Variants in PLEKHA2 observed in about 807,000 individuals in gnomAD.
PLEKHA2 encodes the protein pleckstrin homology domain containing A2, also known as pleckstrin homology domain-containing family A member 2.
Under a neutral mutation model 53.2 loss-of-function variants are expected in PLEKHA2, and 28 were observed. That is an observed-to-expected ratio of 0.53 (90% confidence interval 0.39 to 0.72). The LOEUF (loss-of-function observed/expected upper bound fraction) is 0.72. Ranked by LOEUF, PLEKHA2 falls within the 30% of genes least tolerant of loss-of-function variation. PLEKHA2 has a pLI of 0.00. For missense variants in PLEKHA2, 426 were observed against 537.9 expected (o/e 0.79, Z 2.06); for synonymous variants, 193 against 196.4 (o/e 0.98, Z 0.14).
Position 38,970,045 on chromosome 8 carries a change from G to C in PLEKHA2, c.*262G>C. 1.8e-6 allele frequency: 1 copy of C among 562,892 alleles called. No homozygotes were observed. 34.9% of individuals were successfully genotyped at this position (562,892 alleles called of 1,614,324 possible). On this transcript the variant is annotated 3_prime_UTR_variant, in exon 12 of 12. Transcript: ENST00000617275. ...TAGAACTGTAGGCATACTCAGTGGA[G>C]AGGAAGCTACCTATTCTATTCTAAC... is the stretch of plus-strand genomic sequence containing the variant.
intron 4 of PLEKHA2, among the ~76,000 whole-genome samples, chr8:38,944,999 CAAAG>C (rs1834683501): frequency 6.6e-6 from 1 of 152,056 alleles, no homozygotes; most frequent in African/African-American, 2.4e-5. Flanking sequence ...GGGGATAAGA[CAAAG>C]GAAGGAGAAT....
At position 38,936,021 on chromosome 8, in the gene PLEKHA2, G is replaced by A. The variant is rs1834488375; in HGVS notation, c.169G>A (p.Gly57Arg). 6.2e-7 allele frequency: 1 copy of A among 1,613,644 alleles called. No homozygotes were observed. The highest frequency in any genetic ancestry group is 8.5e-7 in the Non-Finnish European group (1 of 1,179,606). ...TCTGGCAATGGGGGCAGGAGCTGTT[G>A]GAGCTTTGCAGCTGACCTACATCTC... ...QNLAMGAGAV[G>R]ALQLTYISKV... The change falls in exon 3 of 12, where the codon GGA (glycine) becomes AGA (arginine). Residue 57 changes from glycine (G) to arginine (R), a missense_variant. Coordinates refer to ENST00000617275, the MANE Select transcript of PLEKHA2 (RefSeq NM_021623.2).
intron 9 of PLEKHA2, among the ~76,000 whole-genome samples, chr8:38,956,368 T>C (rs545592114): frequency 6.6e-6 from 1 of 152,312 alleles, no homozygotes; most frequent in South Asian, 2.1e-4. Flanking sequence ...TTTAGCTCTT[T>C]GTCTCCTGGG....
chr8:38,904,758 C>T (rs1284584007), intron 1 of PLEKHA2, among the ~76,000 whole-genome samples: 2 of 152,194 alleles, frequency 1.3e-5, no homozygotes, highest in Non-Finnish European at 2.9e-5. Flanking sequence ...TTTTCATTGA[C>T]ATTTGCTCAC....
At chr8:38,933,265 G>A (rs1260978324) in intron 2 of PLEKHA2, among the ~76,000 whole-genome samples, 1 of 152,102 alleles carries the variant, frequency 6.6e-6, no homozygotes, top group African/African-American at 2.4e-5. Flanking sequence ...CCAATAGGAG[G>A]GGTTGGGCCC....
At chr8:38,945,038 A>G (rs905694320) in intron 4 of PLEKHA2, among the ~76,000 whole-genome samples, 3 of 152,132 alleles carry the variant, frequency 2.0e-5, no homozygotes, top group South Asian at 2.1e-4. Context: ...CAGTTGCCCA[A>G]TAGTGACATG....
intron 1 of PLEKHA2, among the ~76,000 whole-genome samples, chr8:38,903,076 A>C (rs62503459): frequency 6.6e-6 from 1 of 152,196 alleles, no homozygotes; most frequent in Non-Finnish European, 1.5e-5. Flanking sequence ...GAATGCAAAC[A>C]CATGAATTGT....
At chr8:38,943,529 T>A (rs190157833) in intron 3 of PLEKHA2, among the ~76,000 whole-genome samples, 1 of 152,194 alleles carries the variant, frequency 6.6e-6, no homozygotes, top group East Asian at 1.9e-4. Context: ...TTTGTAAAGA[T>A]GAACAGACCT....
At chr8:38,921,672 T>A (rs1460712956) in intron 2 of PLEKHA2, among the ~76,000 whole-genome samples, 1 of 152,248 alleles carries the variant, frequency 6.6e-6, no homozygotes, top group Non-Finnish European at 1.5e-5. Flanking sequence ...AGCTGAGCTC[T>A]CAGGGTGTTT....
chr8:38,933,939 G>A (rs188090948), intron 2 of PLEKHA2, among the ~76,000 whole-genome samples: 3 of 152,068 alleles, frequency 2.0e-5, no homozygotes, highest in African/African-American at 4.8e-5. Context: ...GGAAGAACGT[G>A]AGTGCAGAGT....
At chr8:38,952,467 G>A (rs577287566) in intron 7 of PLEKHA2, among the ~76,000 whole-genome samples, 155 bp downstream of exon 7, 2 of 152,156 alleles carry the variant, frequency 1.3e-5, no homozygotes, top group African/African-American at 2.4e-5. Flanking sequence ...CTGACCTTTG[G>A]CTCCCACCTG....
At chr8:38,948,766 G>A (rs762757530) in intron 5 of PLEKHA2, among the ~76,000 whole-genome samples, 1 of 152,170 alleles carries the variant, frequency 6.6e-6, no homozygotes, top group Non-Finnish European at 1.5e-5. Flanking sequence ...TCCCGGTGAC[G>A]TCCCGGCAGA....
In PLEKHA2 at chr8:38,928,236, CTTTTTTTTTT is replaced by C. The variant is rs11414317; in HGVS notation, c.142-7747_142-7738del. On this transcript the variant is annotated intron_variant, in intron 2 of 11. Transcript: ENST00000617275. ...CTGAAGCCCAGGCCTCTGACCTGGT[CTTTTTTTTTT>C]TTTTTTTTTTCTTTTTGAGATGGAG... 5.7e-4 allele frequency among the ~76,000 whole-genome samples: 63 copies of C among 110,146 alleles called. 1 individual carries two copies. In the East Asian group the frequency reaches 8.3e-3, roughly 15 times the overall value. The allele number at this position is 110,146 out of a possible 152,430, so 72.3% of individuals were successfully genotyped here. A position where few individuals can be genotyped will look rare whatever the true frequency, so the allele number is the denominator to read the frequency against.
At chr8:38,965,795 A>G (rs1012606295) in intron 10 of PLEKHA2, among the ~76,000 whole-genome samples, 2 of 152,204 alleles carry the variant, frequency 1.3e-5, no homozygotes, top group African/African-American at 4.8e-5. Context: ...CGCATATCAT[A>G]TAATACCAGT....
intron 2 of PLEKHA2, among the ~76,000 whole-genome samples, chr8:38,924,546 A>C (rs1834249723): frequency 1.3e-5 from 2 of 152,178 alleles, no homozygotes; most frequent in Non-Finnish European, 2.9e-5. Flanking sequence ...GTCATGCCTC[A>C]GCCTTGTCTC....
At position 38,943,770 on chromosome 8, in the gene PLEKHA2, T is replaced by C; in HGVS notation, c.199-19T>C. 6.5e-7 allele frequency: 1 copy of C among 1,536,158 alleles called. No homozygotes were observed. Among genetic ancestry groups the C allele is most frequent in the Non-Finnish European group, 8.8e-7 (1 of 1,140,464 alleles). On this transcript the variant is annotated intron_variant, in intron 3 of 11. Coordinates refer to ENST00000617275, the MANE Select transcript of PLEKHA2 (RefSeq NM_021623.2). ...GTAAGACACATATTCATGTTTCTTT[T>C]ATTTCTTATTTGATTTAGGTGAGCA... is the stretch of plus-strand genomic sequence containing the variant.
intron 11 of PLEKHA2, 70 bp from the exon 12 acceptor site, chr8:38,969,351 G>T (rs1835198993): frequency 2.6e-6 from 4 of 1,535,860 alleles, no homozygotes; most frequent in Non-Finnish European, 3.5e-6. Flanking sequence ...CTCTTTCTGG[G>T]ACTCTGTGAT....
In PLEKHA2 at chr8:38,950,865, G is replaced by A; in HGVS notation, c.361G>A (p.Gly121Ser). 1.2e-6 allele frequency: 2 copies of A among 1,613,770 alleles called. No homozygotes were observed. The highest frequency in any genetic ancestry group is 2.2e-5 in the South Asian group (2 of 91,052). The part of the protein sequence containing the change: ...ASKITVPKGG[G>S]LPMTTEVLKS... ...CTCACCCCAGGTTCCCAAAGGTGGG[G>A]GCCTACCCATGACCACTGAAGTTCT... The change falls in exon 6 of 12, where the codon GGC (glycine) becomes AGC (serine). Residue 121 changes from glycine to serine, a missense_variant. Coordinates refer to ENST00000617275, the MANE Select transcript of PLEKHA2 (RefSeq NM_021623.2).
intron 1 of PLEKHA2, among the ~76,000 whole-genome samples, chr8:38,913,856 A>G (rs1034686862): frequency 6.6e-6 from 1 of 152,016 alleles, no homozygotes; most frequent in African/African-American, 2.4e-5. Flanking sequence ...GCTTGTGCCC[A>G]TCTCTCTCCT....
Sources: allele counts gnomAD v4.1 joint callset (sites outside exome capture counted in the v4.1 genomes callset), GRCh38; gene constraint gnomAD v4.1.1; transcripts MANE v1.5; gene names NCBI Gene and HGNC (gene_info 2026-07-23, HGNC 2026-07-21).